Variants in GLCCI1 observed in about 807,000 individuals in gnomAD.
GLCCI1 encodes the protein glucocorticoid induced 1.
A neutral mutation model predicts 52.2 loss-of-function variants in GLCCI1; 24 were observed. The observed-to-expected ratio is 0.46, with a 90% CI of 0.33 to 0.65. The LOEUF is 0.65. Among genes scored for constraint, GLCCI1 ranks in the 30% least tolerant of loss-of-function variants. The pLI is 0.02. For synonymous variants in GLCCI1, 310 were observed against 276.5 expected (o/e 1.12, Z -1.20); for missense variants, 704 against 701.5 (o/e 1.00, Z -0.04).
In GLCCI1 at chr7:8,069,970, CTT is replaced by C. The variant is rs1782719912; in HGVS notation, c.967-950_967-949del. On this transcript the variant is annotated intron_variant, in intron 5 of 7. Coordinates refer to ENST00000223145, the MANE Select transcript of GLCCI1 (RefSeq NM_138426.4). ...ACAACAAATATTTTCAATTATATAA[CTT>C]AATATAGAGAATTTTACTTGTTAAC... is the stretch of plus-strand genomic sequence containing the variant. The C allele has an allele frequency of 1.3e-5, 2 of 152,160 alleles. 1 individual carries two copies. Among genetic ancestry groups the C allele is most frequent in the Admixed American group, 1.3e-4 (2 of 15,282 alleles). The allele number at this position is 152,160 out of a possible 1,614,324, so 9.4% of individuals were successfully genotyped here.
At chr7:8,073,032 T>A (rs1296064697) in intron 6 of GLCCI1, among the ~76,000 whole-genome samples, 1 of 152,178 alleles carries the variant, frequency 6.6e-6, no homozygotes, top group South Asian at 2.1e-4. Flanking sequence ...AATAGCTCTT[T>A]TTCCTAAATA....
chr7:8,000,561 G>A (rs1020178643), intron 1 of GLCCI1, among the ~76,000 whole-genome samples: 3 of 151,960 alleles, frequency 2.0e-5, no homozygotes, highest in African/African-American at 7.2e-5. Flanking sequence ...CAGAAGGCTC[G>A]CTACAATGTT....
chr7:8,049,825 G>C (rs1489968034), intron 3 of GLCCI1, among the ~76,000 whole-genome samples: 1 of 152,170 alleles, frequency 6.6e-6, no homozygotes, highest in East Asian at 1.9e-4. Flanking sequence ...GAAAGCTGTA[G>C]AACTGGATTT....
intron 3 of GLCCI1, among the ~76,000 whole-genome samples, chr7:8,051,516 T>G (rs545454838): frequency 1.9e-4 from 29 of 152,354 alleles, no homozygotes; most frequent in Admixed American, 1.1e-3. Flanking sequence ...AGCTGTTACC[T>G]TGAGTGACTT....
At chr7:8,064,286 G>A (rs746962444) in intron 5 of GLCCI1, among the ~76,000 whole-genome samples, 3 of 152,296 alleles carry the variant, frequency 2.0e-5, no homozygotes, top group South Asian at 2.1e-4. Context: ...TGTATATGGT[G>A]TGAGGAAGGT....
rs544094561 is a variant in GLCCI1, at chr7:8,088,794, T to G, written c.*2256T>G. The stretch of plus-strand genomic sequence containing the variant: ...TTGTGTTGTACATTTGTTCTTAGCA[T>G]ATATTAAAGTTTTGAACCAAATGTG... On this transcript the variant is annotated 3_prime_UTR_variant, in exon 8 of 8. Coordinates refer to ENST00000223145, the MANE Select transcript of GLCCI1 (RefSeq NM_138426.4). 2 of 152,818 alleles carry G rather than the reference T, an allele frequency of 1.3e-5. No individual in the cohort carries two copies. Among genetic ancestry groups the G allele is most frequent in the African/African-American group, 4.8e-5 (2 of 41,600 alleles). 9.5% of individuals were successfully genotyped at this position (152,818 alleles called of 1,614,324 possible).
Position 8,087,572 on chromosome 7 carries a change from T to G in GLCCI1, c.*1034T>G, listed in dbSNP as rs915668354. On this transcript the variant is annotated 3_prime_UTR_variant, in exon 8 of 8. Transcript: ENST00000223145. ...CATCAGGGTCATAACTGTTACCATT[T>G]TATCTAAAGACATATTTATATTTAG... The G allele has an allele frequency of 3.9e-5, 6 of 152,566 alleles. No individual in the cohort carries two copies. The highest frequency in any genetic ancestry group is 1.3e-4 in the Admixed American group (2 of 15,290). 9.5% of individuals were successfully genotyped at this position (152,566 alleles called of 1,614,324 possible).
chr7:8,045,650 C>A (rs1157446339), intron 3 of GLCCI1, among the ~76,000 whole-genome samples: 1 of 152,046 alleles, frequency 6.6e-6, no homozygotes, highest in Non-Finnish European at 1.5e-5. Flanking sequence ...TCCTGTGACC[C>A]AATGAGGCAG....
rs192094748 is a variant in GLCCI1 at position 7,984,217 on chromosome 7, C to A, written c.457+14410C>A. On this transcript the variant is annotated intron_variant, in intron 1 of 7. Coordinates refer to ENST00000223145, the MANE Select transcript of GLCCI1 (RefSeq NM_138426.4). ...CCAGGACCACAGGCATGTGCCACCA[C>A]ACCTGGCTAATTTTTTAATTTTTAT... Among the ~76,000 whole-genome samples the A allele has an allele frequency of 1.6e-3, 242 of 152,242 alleles. 1 individual carries two copies. Among genetic ancestry groups the A allele is most frequent in the African/African-American group, 5.3e-3 (222 of 41,538 alleles).
chr7:7,997,149 G>A (rs1780952755), intron 1 of GLCCI1, among the ~76,000 whole-genome samples: 1 of 152,036 alleles, frequency 6.6e-6, no homozygotes, highest in Admixed American at 6.5e-5. Flanking sequence ...ATTAGATTGG[G>A]TAGAAAAACA....
intron 2 of GLCCI1, among the ~76,000 whole-genome samples, chr7:8,015,906 G>C (rs1186559430): frequency 6.6e-6 from 1 of 152,116 alleles, no homozygotes; most frequent in Non-Finnish European, 1.5e-5. Flanking sequence ...GAAACATTTA[G>C]CTGGAAACAA....
intron 1 of GLCCI1, among the ~76,000 whole-genome samples, chr7:7,972,766 A>T (rs867833802): frequency 4.7e-4 from 71 of 152,254 alleles, no homozygotes; most frequent in African/African-American, 1.6e-3. Context: ...ATATTATTAT[A>T]ATATTAATTT....
intron 3 of GLCCI1, among the ~76,000 whole-genome samples, chr7:8,045,733 G>A (rs1433134651): frequency 2.6e-5 from 4 of 152,052 alleles, no homozygotes; most frequent in Non-Finnish European, 5.9e-5. Flanking sequence ...TACTTATGAG[G>A]GACCAAAGTT....
chr7:8,079,852 G>T (rs1782959662), intron 6 of GLCCI1, among the ~76,000 whole-genome samples: 1 of 151,696 alleles, frequency 6.6e-6, no homozygotes, highest in South Asian at 2.1e-4. Context: ...GTTTATAAAT[G>T]TAAGTAATAA....
chr7:8,058,150 TC>T (rs1175666932), intron 4 of GLCCI1, among the ~76,000 whole-genome samples: 4 of 152,274 alleles, frequency 2.6e-5, no homozygotes, highest in Middle Eastern at 3.4e-3. Context: ...AAATTCAGTT[TC>T]CTCTTATATT....
chr7:8,016,463 C>T (rs1335393262), intron 2 of GLCCI1, among the ~76,000 whole-genome samples: 1 of 151,990 alleles, frequency 6.6e-6, no homozygotes, highest in African/African-American at 2.4e-5. Flanking sequence ...AGCGAGACTC[C>T]ATCTCAAAAA....
At chr7:8,074,545 T>A (rs1182621934) in intron 6 of GLCCI1, among the ~76,000 whole-genome samples, 2 of 151,902 alleles carry the variant, frequency 1.3e-5, no homozygotes, top group South Asian at 4.2e-4. Flanking sequence ...GTTAGCCAGG[T>A]ATGGTGGCAT....
intron 5 of GLCCI1, among the ~76,000 whole-genome samples, chr7:8,063,249 T>C (rs1176524717): frequency 1.3e-5 from 2 of 152,146 alleles, no homozygotes; most frequent in Non-Finnish European, 2.9e-5. Context: ...GCGATTCTCC[T>C]GCCTCAGCCT....
chr7:8,034,444 G>A (rs1263750677), intron 3 of GLCCI1, among the ~76,000 whole-genome samples: 1 of 152,102 alleles, frequency 6.6e-6, no homozygotes, highest in Non-Finnish European at 1.5e-5. Context: ...CCACAGACTT[G>A]AAGAAATATT....
Sources: gnomAD v4.1 joint callset for allele counts (sites outside exome capture counted in the v4.1 genomes callset) on GRCh38, gnomAD v4.1.1 for gene constraint, MANE v1.5 for transcripts, NCBI Gene and HGNC (gene_info 2026-07-23, HGNC 2026-07-21) for gene names.